Variants in NRG3 observed in about 807,000 individuals in gnomAD.
The protein encoded by NRG3 is neuregulin 3, also known as pro-neuregulin-3, membrane-bound isoform.
NRG3 carries 31 observed loss-of-function variants against 66.9 expected under a neutral mutation model. That is an observed-to-expected ratio of 0.46 (90% CI 0.35 to 0.63). The LOEUF (loss-of-function observed/expected upper bound fraction) is 0.63. NRG3 is among the 20% of genes least tolerant of loss of function. The probability of loss-of-function intolerance (pLI) is 0.00; values close to 1 mark genes in which losing one functional copy is unlikely to be tolerated. For synonymous variants in NRG3, 393 were observed against 359.4 expected (o/e 1.09, Z -1.06); for missense variants, 910 against 878.9 (o/e 1.04, Z -0.45).
rs143931058 is a variant in NRG3 at position 82,811,981 on chromosome 10, C to T, written c.1028-53430C>T. ...GCTTGGCAAGCATGTTGTCTTCAAG[C>T]CACACTTTAGAGACAGAAACTTAAA... On this transcript the variant is annotated intron_variant, in intron 3 of 8. Transcript: ENST00000372141. Among the ~76,000 whole-genome samples, 274 of 152,328 alleles carry T rather than the reference C, an allele frequency of 1.8e-3. 1 individual carries two copies. Among genetic ancestry groups the T allele is most frequent in the Non-Finnish European group, 2.8e-3 (193 of 68,026 alleles).
chr10:82,149,152 A>G (rs769329435), intron 1 of NRG3, among the ~76,000 whole-genome samples: 22 of 152,208 alleles, frequency 1.4e-4, no homozygotes, highest in African/African-American at 1.9e-4. Context: ...TTTGACCCCA[A>G]TGAATGATAG....
chr10:82,150,036 G>C (rs1172464472), intron 1 of NRG3, among the ~76,000 whole-genome samples: 1 of 152,046 alleles, frequency 6.6e-6, no homozygotes, highest in Admixed American at 6.6e-5. Context: ...TTTCAGGGGG[G>C]AGTGCACCCA....
chr10:82,058,342 CCTTTT>C (rs1451092735), intron 1 of NRG3, among the ~76,000 whole-genome samples: 3 of 151,836 alleles, frequency 2.0e-5, no homozygotes, highest in Non-Finnish European at 4.4e-5. Context: ...ATTGATCTTT[CCTTTT>C]AAGTTCTCTG....
intron 4 of NRG3, among the ~76,000 whole-genome samples, chr10:82,924,168 A>G (rs1161132143): frequency 6.6e-6 from 1 of 151,836 alleles, no homozygotes; most frequent in Non-Finnish European, 1.5e-5. Context: ...TTCCACTAGA[A>G]GGCAGAAAGC....
intron 2 of NRG3, among the ~76,000 whole-genome samples, chr10:82,512,631 G>A (rs1241209439): frequency 1.3e-5 from 2 of 152,104 alleles, no homozygotes; most frequent in Non-Finnish European, 2.9e-5. Context: ...CTTAAAGTAC[G>A]CTCTCAGTAA....
At chr10:82,358,602 T>C (rs1341319767) in intron 1 of NRG3, 137 bp from the exon 2 acceptor site, 3 of 1,137,836 alleles carry the variant, frequency 2.6e-6, no homozygotes, top group African/African-American at 1.5e-5. Context: ...CCAAGGAGGG[T>C]TGGAGCTGTC....
chr10:82,865,482 G>A, intron 4 of NRG3, 45 bp downstream of exon 4: 2 of 1,579,260 alleles, frequency 1.3e-6, no homozygotes, highest in Non-Finnish European at 1.7e-6. Flanking sequence ...GAAATGCTAA[G>A]CTTTATGATG....
chr10:82,893,151 A>T (rs1843320718), intron 4 of NRG3, among the ~76,000 whole-genome samples: 1 of 152,206 alleles, frequency 6.6e-6, no homozygotes, highest in East Asian at 1.9e-4. Flanking sequence ...ATATCTGAAG[A>T]ACAGATACTG....
In NRG3 at chr10:82,865,424, G is replaced by C; in HGVS notation, c.1041G>C (p.Gly347=). The C allele has an allele frequency of 6.2e-7, 1 of 1,612,836 alleles. No homozygotes were observed. Among genetic ancestry groups the C allele is most frequent in the South Asian group, 1.1e-5 (1 of 90,832 alleles). Reference sequence around the variant, plus strand: ...ACTTTGGTGTAGCAGACCACTTGGGGATTGAATTCATGGGTAAGACTAAAC... The same window carrying C: ...ACTTTGGTGTAGCAGACCACTTGGGCATTGAATTCATGGGTAAGACTAAAC... ...SILSDPTDHL[G]IEFMESEEVY... is the part of the protein sequence containing the mutation. Residue 347 remains glycine (G), a synonymous_variant, in exon 4 of 9, where the codon GGG becomes GGC. Transcript: ENST00000372141.
chr10:82,185,908 C>T (rs895317323), intron 1 of NRG3, among the ~76,000 whole-genome samples: 1 of 152,160 alleles, frequency 6.6e-6, no homozygotes, highest in Admixed American at 6.5e-5. Flanking sequence ...CCACTATTAT[C>T]ACCTAGTCCA....
chr10:82,296,062 G>A (rs1447022664), intron 1 of NRG3, among the ~76,000 whole-genome samples: 1 of 152,148 alleles, frequency 6.6e-6, no homozygotes, highest in Middle Eastern at 3.2e-3. Context: ...TCCTGAGGAA[G>A]TAATTGTTCA....
intron 2 of NRG3, among the ~76,000 whole-genome samples, chr10:82,540,423 T>TG (rs1003543134): frequency 2.6e-5 from 4 of 152,062 alleles, no homozygotes; most frequent in African/African-American, 9.7e-5. Flanking sequence ...AAAGATGTTT[T>TG]GGGGGGTCAG....
chr10:82,697,224 A>T (rs762575841), intron 2 of NRG3, among the ~76,000 whole-genome samples: 2 of 152,218 alleles, frequency 1.3e-5, no homozygotes, highest in Non-Finnish European at 2.9e-5. Context: ...GACAACACAA[A>T]CACAATTTTA....
chr10:82,117,096 G>A lies in NRG3; in HGVS notation c.823+240933G>A, dbSNP rs533653306. ...TCCATCTGGTCCACCTTAGATGGCC[G>A]ATAGCCACCTTGCTTTATCTGTCAT... On this transcript the variant is annotated intron_variant, in intron 1 of 8. Coordinates refer to ENST00000372141, the MANE Select transcript of NRG3 (RefSeq NM_001010848.4). Among the ~76,000 whole-genome samples the A allele has an allele frequency of 3.9e-4, 59 of 152,186 alleles. 1 individual carries two copies. In the South Asian group the frequency reaches 9.4e-3, roughly 24 times the overall value.
intron 1 of NRG3, among the ~76,000 whole-genome samples, chr10:81,939,648 T>G (rs1230142098): frequency 6.6e-6 from 1 of 151,830 alleles, no homozygotes. Context: ...GTTATTTGAG[T>G]CTTCTCTCTT....
intron 1 of NRG3, among the ~76,000 whole-genome samples, chr10:82,227,213 A>G (rs553977321): frequency 6.6e-6 from 1 of 152,166 alleles, no homozygotes; most frequent in East Asian, 1.9e-4. Flanking sequence ...TCAGTTCATC[A>G]TCACTGCTGC....
intron 2 of NRG3, among the ~76,000 whole-genome samples, chr10:82,636,678 G>T (rs191882715): frequency 5.5e-4 from 84 of 152,112 alleles, no homozygotes; most frequent in African/African-American, 1.8e-3. Flanking sequence ...CCATATCTTG[G>T]CTATTCTAAA....
chr10:82,736,483 C>A (rs530469082), intron 2 of NRG3, among the ~76,000 whole-genome samples: 1 of 152,312 alleles, frequency 6.6e-6, no homozygotes, highest in Admixed American at 6.5e-5. Context: ...TGCTGCCTGC[C>A]CAGCCACACA....
At chr10:82,198,031 A>G (rs1193956600) in intron 1 of NRG3, among the ~76,000 whole-genome samples, 1 of 152,188 alleles carries the variant, frequency 6.6e-6, no homozygotes, top group Non-Finnish European at 1.5e-5. Flanking sequence ...GATTTTGAAA[A>G]TCCATGAACA....
Sources: allele counts gnomAD v4.1 joint callset (sites outside exome capture counted in the v4.1 genomes callset), GRCh38; gene constraint gnomAD v4.1.1; transcripts MANE v1.5; gene names NCBI Gene and HGNC (gene_info 2026-07-23, HGNC 2026-07-21).